Variants in SCIMP observed in about 807,000 individuals in gnomAD.
SCIMP encodes the protein SLP adaptor and CSK interacting membrane protein.
In SCIMP, 18 loss-of-function variants were observed where a neutral mutation model predicts 22.0. The observed-to-expected ratio is 0.82, with a 90% CI of 0.56 to 1.21. The LOEUF (loss-of-function observed/expected upper bound fraction) is 1.21. Ranked by LOEUF, SCIMP falls within the 50% of genes most tolerant of loss-of-function variation. The pLI is 0.00. For synonymous variants in SCIMP, 53 were observed against 62.2 expected (o/e 0.85, Z 0.70); for missense variants, 155 against 171.2 (o/e 0.91, Z 0.53).
intron 1 of SCIMP, among the ~76,000 whole-genome samples, chr17:5,224,036 T>C (rs1252572924): frequency 6.6e-6 from 1 of 152,258 alleles, no homozygotes; most frequent in African/African-American, 2.4e-5. Flanking sequence ...AGATCGAACA[T>C]GTACCTACTG....
At chr17:5,213,496 C>T (rs77276910) in intron 4 of SCIMP, 15,796 of 152,656 alleles carry the variant, frequency 0.1, 1,844 homozygotes, top group South Asian at 0.5. Context: ...CCTGGCCTTC[C>T]AAAGTGTTGG....
chr17:5,223,830 A>G (rs2074626862), intron 1 of SCIMP, among the ~76,000 whole-genome samples: 1 of 152,102 alleles, frequency 6.6e-6, no homozygotes, highest in African/African-American at 2.4e-5. Context: ...GATTACAGAC[A>G]TGAGCCACCG....
intron 4 of SCIMP, chr17:5,214,271 T>C (rs1383588460): frequency 6.6e-6 from 1 of 152,324 alleles, no homozygotes; most frequent in African/African-American, 2.4e-5. Flanking sequence ...GACACCTTCA[T>C]AGGGGACGGG....
intron 1 of SCIMP, among the ~76,000 whole-genome samples, chr17:5,227,903 G>A (rs970876141): frequency 2.0e-5 from 3 of 152,140 alleles, no homozygotes; most frequent in Non-Finnish European, 4.4e-5. Context: ...TGTTGGGCGC[G>A]GTGGCTCATG....
chr17:5,216,443 A>G (rs1222975515), intron 3 of SCIMP, among the ~76,000 whole-genome samples: 1 of 152,170 alleles, frequency 6.6e-6, no homozygotes, highest in Non-Finnish European at 1.5e-5. Context: ...CAAGGCAGGC[A>G]GATCATGAGG....
chr17:5,211,006 AT>A (rs753231966), intron 4 of SCIMP, 51 bp from the exon 5 acceptor site: 7 of 1,560,918 alleles, frequency 4.5e-6, no homozygotes, highest in East Asian at 2.3e-5. Flanking sequence ...GTGTTTTTAT[AT>A]TTTTGAAGGC....
rs546175165 is a variant in SCIMP, at chr17:5,229,110, G to A, written c.21+5625C>T. Reference sequence around the variant, plus strand: ...GTGGCAATCCAATGCTGGGGAGGTGGAGTTCCAGCTTCCCCTTTGTTTCTC... The same window carrying A: ...GTGGCAATCCAATGCTGGGGAGGTGAAGTTCCAGCTTCCCCTTTGTTTCTC... On this transcript the variant is annotated intron_variant, in intron 1 of 4. Coordinates refer to ENST00000574081, the MANE Select transcript of SCIMP (RefSeq NM_207103.3). Among the ~76,000 whole-genome samples, 5 of 152,288 alleles carry A rather than the reference G, an allele frequency of 3.3e-5. No individual in the cohort carries two copies. The South Asian group carries it at 1.0e-3, about 32-fold the overall frequency.
intron 3 of SCIMP, among the ~76,000 whole-genome samples, chr17:5,219,188 G>A (rs904292260): frequency 6.6e-6 from 1 of 152,044 alleles, no homozygotes; most frequent in East Asian, 1.9e-4. Context: ...GTGTGGTGGC[G>A]CGCGCCTGTA....
rs1013106379 is a variant in SCIMP at position 5,210,008 on chromosome 17, G to A, written c.*793C>T. 6.6e-5 allele frequency: 10 copies of A among 152,126 alleles called. No homozygotes were observed. Among genetic ancestry groups the A allele is most frequent in the African/African-American group, 2.4e-4 (10 of 41,410 alleles). The allele number at this position is 152,126 out of a possible 1,614,324, so 9.4% of individuals were successfully genotyped here. A position where few individuals can be genotyped will look rare whatever the true frequency, so the allele number is the denominator to read the frequency against. ...TTCCTGTTCCCCATGATTTGTCCTG[G>A]GGGAAATGTATTTTTCCTGTAGCAC... On this transcript the variant is annotated 3_prime_UTR_variant, in exon 5 of 5. Coordinates refer to ENST00000574081, the MANE Select transcript of SCIMP (RefSeq NM_207103.3).
At chr17:5,231,043 C>T (rs564943258) in intron 1 of SCIMP, among the ~76,000 whole-genome samples, 1 of 152,226 alleles carries the variant, frequency 6.6e-6, no homozygotes, top group African/African-American at 2.4e-5. Flanking sequence ...ACATATAGGT[C>T]ATCATAGTAA....
intron 3 of SCIMP, among the ~76,000 whole-genome samples, chr17:5,218,551 A>G (rs1295803529): frequency 6.6e-6 from 1 of 151,724 alleles, no homozygotes; most frequent in Non-Finnish European, 1.5e-5. Flanking sequence ...TGTTGGCCAG[A>G]CTGGTCTCGA....
chr17:5,232,480 C>T (rs766283948), intron 1 of SCIMP, among the ~76,000 whole-genome samples: 20 of 134,498 alleles, frequency 1.5e-4, no homozygotes, highest in Non-Finnish European at 3.1e-4. Flanking sequence ...CATTGCTGAC[C>T]ATGGAAAAAG....
At chr17:5,233,088 G>C (rs1256084988) in intron 1 of SCIMP, among the ~76,000 whole-genome samples, 1 of 152,162 alleles carries the variant, frequency 6.6e-6, no homozygotes, top group African/African-American at 2.4e-5. Flanking sequence ...ACCCAAGTGT[G>C]CATGGGGAAG....
rs575518361 is a variant in SCIMP, at chr17:5,225,182, C to T, written c.22-1726G>A. Among the ~76,000 whole-genome samples, 34 of 152,174 alleles carry T rather than the reference C, an allele frequency of 2.2e-4. 1 individual carries two copies. The South Asian group carries it at 5.8e-3, about 26-fold the overall frequency. ...AAACCTCCAATAAAACTGCATAACA[C>T]GGCCAGGTGCGGTGGCTCACGCCTG... On this transcript the variant is annotated intron_variant, in intron 1 of 4. Coordinates refer to ENST00000574081, the MANE Select transcript of SCIMP (RefSeq NM_207103.3).
intron 3 of SCIMP, among the ~76,000 whole-genome samples, chr17:5,219,511 C>T (rs1194280502): frequency 6.6e-6 from 1 of 151,698 alleles, no homozygotes; most frequent in African/African-American, 2.4e-5. Context: ...GCCTGTAATC[C>T]CAGCTGCTTA....
chr17:5,228,604 C>T (rs541512654), intron 1 of SCIMP, among the ~76,000 whole-genome samples: 4 of 152,026 alleles, frequency 2.6e-5, no homozygotes, highest in African/African-American at 9.6e-5. Flanking sequence ...ATGAATGTGC[C>T]ACTGCACTCC....
intron 1 of SCIMP, among the ~76,000 whole-genome samples, chr17:5,229,442 G>A (rs1401694305): frequency 7.4e-6 from 1 of 135,710 alleles, no homozygotes; most frequent in Admixed American, 8.1e-5. Context: ...TGCCCAGGCT[G>A]GAGTGCAGTG....
rs542300104 is a variant in SCIMP at position 5,212,038 on chromosome 17, A to T, written c.284-1083T>A. On this transcript the variant is annotated intron_variant, in intron 4 of 4. Transcript: ENST00000574081. Reference sequence around the variant, plus strand: ...ACTCTAGCCTGGGCAACAGAGCGAGACTCTGTCTCAAAAAAAAAGAAAGAA... The same window carrying T: ...ACTCTAGCCTGGGCAACAGAGCGAGTCTCTGTCTCAAAAAAAAAGAAAGAA... Among the ~76,000 whole-genome samples, 48 of 151,794 alleles carry T rather than the reference A, an allele frequency of 3.2e-4. 2 individuals are homozygous for T. The highest frequency in any genetic ancestry group is 1.1e-3 in the African/African-American group (46 of 41,254).
rs1224197377 is a variant in SCIMP, at chr17:5,208,975, T to G, written c.*1826A>C. 5 of 152,182 alleles carry G rather than the reference T, an allele frequency of 3.3e-5. No homozygotes were observed. The highest frequency in any genetic ancestry group is 1.2e-4 in the African/African-American group (5 of 41,446). The allele number at this position is 152,182 out of a possible 1,614,324, so 9.4% of individuals were successfully genotyped here. A position where few individuals can be genotyped will look rare whatever the true frequency, so the allele number is the denominator to read the frequency against. ...ATAGTCATGGAGGGTTTACAGAACA[T>G]TTATAAGACGAAAGCATGTGTTTGA... is the stretch of plus-strand genomic sequence containing the variant. On this transcript the variant is annotated 3_prime_UTR_variant, in exon 5 of 5. Coordinates refer to ENST00000574081, the MANE Select transcript of SCIMP (RefSeq NM_207103.3).
Sources: allele counts gnomAD v4.1 joint callset (sites outside exome capture counted in the v4.1 genomes callset), GRCh38; gene constraint gnomAD v4.1.1; transcripts MANE v1.5; gene names NCBI Gene and HGNC (gene_info 2026-07-23, HGNC 2026-07-21).